SND1: variants seen among roughly 807,000 people sequenced by gnomAD.
SND1 encodes staphylococcal nuclease domain-containing protein 1.
In SND1, 38 loss-of-function variants were observed where a neutral mutation model predicts 121.7. The ratio of observed to expected loss-of-function variants is 0.31; its 90% confidence interval spans 0.24 to 0.41. SND1 has a LOEUF of 0.41. Ranked by LOEUF, SND1 falls within the 10% of genes least tolerant of loss-of-function variation. The pLI is 1.00. For missense variants in SND1, 868 were observed against 1,184.6 expected (o/e 0.73, Z 3.92); for synonymous variants, 401 against 447.4 (o/e 0.90, Z 1.31).
At chr7:127,727,803 A>C (rs1245504227) in intron 10 of SND1, among the ~76,000 whole-genome samples, 1 of 152,194 alleles carries the variant, frequency 6.6e-6, no homozygotes, top group East Asian at 1.9e-4. Context: ...ATTTTTGAGA[A>C]GAACACTTGA....
intron 3 of SND1, among the ~76,000 whole-genome samples, chr7:127,698,339 A>G (rs1796044434): frequency 6.6e-6 from 1 of 152,136 alleles, no homozygotes; most frequent in Admixed American, 6.6e-5. Context: ...CGGTGAAGGG[A>G]CTAACTTTTT....
intron 1 of SND1, among the ~76,000 whole-genome samples, chr7:127,678,414 C>T (rs1213801757): frequency 6.6e-6 from 1 of 152,166 alleles, no homozygotes; most frequent in Non-Finnish European, 1.5e-5. Context: ...GGCTCGGGAG[C>T]AGCAACTTGT....
intron 16 of SND1, among the ~76,000 whole-genome samples, chr7:128,002,152 A>G (rs954442968): frequency 2.0e-5 from 3 of 152,098 alleles, no homozygotes; most frequent in African/African-American, 7.2e-5. Context: ...TGCTACCCCT[A>G]TTCGGGTTGT....
At chr7:127,707,504 G>A in intron 8 of SND1, 53 bp from the exon 9 acceptor site, 1 of 1,454,930 alleles carries the variant, frequency 6.9e-7, no homozygotes. Context: ...CATGGTAGTG[G>A]TGGATTCCAT....
intron 1 of SND1, among the ~76,000 whole-genome samples, chr7:127,676,151 G>GCCATC (rs1360925598): frequency 5.3e-5 from 8 of 152,176 alleles, no homozygotes; most frequent in Non-Finnish European, 7.3e-5. Context: ...GGGAAAACCT[G>GCCATC]TGTTCTAGCC....
intron 1 of SND1, among the ~76,000 whole-genome samples, chr7:127,656,403 A>G (rs1196656189): frequency 1.3e-5 from 2 of 148,224 alleles, no homozygotes; most frequent in Non-Finnish European, 3.0e-5. Context: ...GCTCACTGCA[A>G]CCTCCACCTC....
chr7:127,946,806 T>C (rs1474967518), intron 15 of SND1, among the ~76,000 whole-genome samples: 3 of 152,230 alleles, frequency 2.0e-5, no homozygotes, highest in African/African-American at 4.8e-5. Context: ...TATTTTGATA[T>C]AATTTTACAC....
intron 2 of SND1, among the ~76,000 whole-genome samples, chr7:127,689,555 A>G (rs561963132): frequency 1.3e-5 from 2 of 152,320 alleles, no homozygotes; most frequent in African/African-American, 4.8e-5. Context: ...ACTGTATCCC[A>G]TGTTAACAGG....
At chr7:127,785,956 C>T (rs779131202) in intron 10 of SND1, among the ~76,000 whole-genome samples, 3 of 152,142 alleles carry the variant, frequency 2.0e-5, no homozygotes, top group Non-Finnish European at 2.9e-5. Context: ...TAAGCATGTA[C>T]AGAAGAAAAT....
intron 16 of SND1, among the ~76,000 whole-genome samples, chr7:128,014,002 A>G (rs1408554102): frequency 6.6e-6 from 1 of 152,198 alleles, no homozygotes; most frequent in East Asian, 1.9e-4. Context: ...CAGGTCTCTG[A>G]GCAGTCTATC....
chr7:127,906,878 T>C (rs982298754), intron 14 of SND1, among the ~76,000 whole-genome samples: 1 of 152,212 alleles, frequency 6.6e-6, no homozygotes, highest in African/African-American at 2.4e-5. Flanking sequence ...TCCGTTGTCA[T>C]TAGCAGTGGG....
intron 11 of SND1, among the ~76,000 whole-genome samples, chr7:127,816,662 C>CTTTT (rs919893026): frequency 2.2e-5 from 3 of 135,240 alleles, no homozygotes; most frequent in South Asian, 2.3e-4. Flanking sequence ...TTCTCAAACT[C>CTTTT]TTTTTTTTTT....
intron 1 of SND1, among the ~76,000 whole-genome samples, chr7:127,684,842 G>A (rs760834443): frequency 1.1e-4 from 17 of 152,104 alleles, no homozygotes; most frequent in Non-Finnish European, 1.5e-4. Context: ...TGTGCTTAAG[G>A]TGTTGGGGAT....
chr7:127,774,881 T>C (rs1797586308), intron 10 of SND1, among the ~76,000 whole-genome samples: 1 of 152,184 alleles, frequency 6.6e-6, no homozygotes, highest in South Asian at 2.1e-4. Flanking sequence ...GCCCATTTTT[T>C]ATCTTTTACA....
rs1050353159 is a variant in SND1 at position 128,015,913 on chromosome 7, A to C, written c.1779+24857A>C. ...AGCAGCCTACCATGCTGCCCCTTCCACTTTAGATAGGGCCATGCAATGTAA... is the reference window on the plus strand; with the variant it reads ...AGCAGCCTACCATGCTGCCCCTTCCCCTTTAGATAGGGCCATGCAATGTAA... On this transcript the variant is annotated intron_variant, in intron 16 of 23. Coordinates refer to ENST00000354725, the MANE Select transcript of SND1 (RefSeq NM_014390.4). This position sits in a 1 kb window ranked among gnomAD's most constrained non-coding sequence, Gnocchi z 4.5. Among the ~76,000 whole-genome samples, 2 of 152,138 alleles carry C rather than the reference A, an allele frequency of 1.3e-5. No individual in the cohort carries two copies. The highest frequency in any genetic ancestry group is 4.8e-5 in the African/African-American group (2 of 41,416).
intron 10 of SND1, among the ~76,000 whole-genome samples, chr7:127,760,273 G>A (rs897296480): frequency 1.3e-5 from 2 of 152,170 alleles, no homozygotes; most frequent in African/African-American, 4.8e-5. Context: ...GACTTTAAAG[G>A]GTGGGCTAAT....
At chr7:127,787,015 T>C (rs1797825925) in intron 10 of SND1, among the ~76,000 whole-genome samples, 1 of 152,218 alleles carries the variant, frequency 6.6e-6, no homozygotes, top group Admixed American at 6.5e-5. Context: ...ATGGATGTGA[T>C]ATCCTGTACA....
At chr7:127,820,627 G>A (rs574148286) in intron 11 of SND1, among the ~76,000 whole-genome samples, 3 of 152,186 alleles carry the variant, frequency 2.0e-5, no homozygotes, top group Middle Eastern at 3.4e-3. Flanking sequence ...TTACGTCACA[G>A]ACACAAACTT....
chr7:127,753,956 G>C (rs987396090), intron 10 of SND1, among the ~76,000 whole-genome samples: 1 of 152,094 alleles, frequency 6.6e-6, no homozygotes, highest in Admixed American at 6.6e-5. Flanking sequence ...CCAAAAATTA[G>C]CTTTCACTAA....
Sources: gnomAD v4.1 joint callset for allele counts (sites outside exome capture counted in the v4.1 genomes callset) on GRCh38, gnomAD v4.1.1 for gene constraint, Gnocchi (gnomAD v3.1) non-coding constraint, MANE v1.5 for transcripts, NCBI Gene and HGNC (gene_info 2026-07-23, HGNC 2026-07-21) for gene names.